TRAF3: variants seen among roughly 807,000 people sequenced by gnomAD.
TRAF3 encodes the protein TNF receptor-associated factor 3.
TRAF3 carries 13 observed loss-of-function variants against 62.3 expected under a neutral mutation model. The ratio of observed to expected loss-of-function variants is 0.21; its 90% CI spans 0.14 to 0.33. TRAF3 has a LOEUF of 0.33. TRAF3 is among the 10% of genes least tolerant of loss of function. The pLI is 1.00. For synonymous variants in TRAF3, 269 were observed against 283.4 expected (o/e 0.95, Z 0.51); for missense variants, 440 against 741.8 (o/e 0.59, Z 4.73).
At chr14:102,807,861 G>A (rs575788797) in intron 1 of TRAF3, among the ~76,000 whole-genome samples, 10 of 152,282 alleles carry the variant, frequency 6.6e-5, no homozygotes, top group African/African-American at 2.4e-4. Context: ...GTAGAGCATG[G>A]TGAGTTAGTT....
intron 9 of TRAF3, among the ~76,000 whole-genome samples, chr14:102,896,918 A>G (rs1890035295): frequency 6.6e-6 from 1 of 152,122 alleles, no homozygotes; most frequent in Non-Finnish European, 1.5e-5. Flanking sequence ...ATTTTTTTAA[A>G]GCCTAACCAG....
At chr14:102,839,485 G>T (rs1471872437) in intron 2 of TRAF3, among the ~76,000 whole-genome samples, 1 of 152,166 alleles carries the variant, frequency 6.6e-6, no homozygotes, top group Non-Finnish European at 1.5e-5. Flanking sequence ...CTCCCAAAGT[G>T]CTGGGATTAC....
In TRAF3 at chr14:102,826,337, A is replaced by G. The variant is rs1900310916; in HGVS notation, c.-156-3997A>G. ...GCTGACATGTGGTGAGTCCTCCAGG[A>G]ATGTGGCAGCAGAAGGAACACGTTG... On this transcript the variant is annotated intron_variant, in intron 1 of 11. Transcript: ENST00000392745. The surrounding 1 kb of genome is among the most constrained non-coding windows in gnomAD (Gnocchi z 4.6). Among the ~76,000 whole-genome samples the G allele has an allele frequency of 1.3e-5, 2 of 152,060 alleles. No homozygotes were observed. Among genetic ancestry groups the G allele is most frequent in the South Asian group, 4.2e-4 (2 of 4,818 alleles).
chr14:102,822,144 T>TA, intron 1 of TRAF3, among the ~76,000 whole-genome samples: 1 of 152,286 alleles, frequency 6.6e-6, no homozygotes, highest in South Asian at 2.1e-4. Context: ...TCTTCGGGAT[T>TA]AAAAAAACCT....
At chr14:102,801,945 G>A (rs1898451490) in intron 1 of TRAF3, among the ~76,000 whole-genome samples, 2 of 149,526 alleles carry the variant, frequency 1.3e-5, no homozygotes. Context: ...GAACCCGGGA[G>A]GCGGAGCTTG....
chr14:102,873,632 C>A (rs1343366869), intron 4 of TRAF3, among the ~76,000 whole-genome samples: 1 of 152,170 alleles, frequency 6.6e-6, no homozygotes, highest in East Asian at 1.9e-4. Flanking sequence ...GATCCTCACC[C>A]GTCAGCAGGT....
Position 102,854,760 on chromosome 14 carries a change from C to G in TRAF3, c.-17-15425C>G, listed in dbSNP as rs913134516. On this transcript the variant is annotated intron_variant, in intron 2 of 11. Transcript: ENST00000392745. Reference sequence around the variant, plus strand: ...AAGTGATCTGCCCACCTCAGCCTTTCAAAGTGCTGGGATTATAGGTGTCAG... The same window carrying G: ...AAGTGATCTGCCCACCTCAGCCTTTGAAAGTGCTGGGATTATAGGTGTCAG... Among the ~76,000 whole-genome samples, 70 of 148,538 alleles carry G rather than the reference C, an allele frequency of 4.7e-4. 1 individual carries two copies. Among genetic ancestry groups the G allele is most frequent in the African/African-American group, 1.7e-3 (67 of 40,426 alleles).
intron 10 of TRAF3, among the ~76,000 whole-genome samples, chr14:102,899,522 A>G (rs901626750): frequency 6.6e-6 from 1 of 152,096 alleles, no homozygotes; most frequent in Non-Finnish European, 1.5e-5. Context: ...CCCTGCGCTA[A>G]AGTGGACCCG....
At chr14:102,867,314 A>G (rs1247423820) in intron 2 of TRAF3, among the ~76,000 whole-genome samples, 1 of 152,216 alleles carries the variant, frequency 6.6e-6, no homozygotes, top group Non-Finnish European at 1.5e-5. Context: ...ACACTTAAAA[A>G]ATCTAAAAAG....
chr14:102,787,416 C>G (rs1897561595), intron 1 of TRAF3, among the ~76,000 whole-genome samples: 1 of 151,932 alleles, frequency 6.6e-6, no homozygotes, highest in Non-Finnish European at 1.5e-5. Flanking sequence ...GTGGCTCACG[C>G]CTGTAATCCC....
intron 6 of TRAF3, among the ~76,000 whole-genome samples, chr14:102,884,675 G>T (rs907107528): frequency 6.6e-6 from 1 of 152,048 alleles, no homozygotes; most frequent in Non-Finnish European, 1.5e-5. Flanking sequence ...GCTGGGCACG[G>T]TGATGTGTTG....
chr14:102,848,296 G>A (rs984359329), intron 2 of TRAF3, among the ~76,000 whole-genome samples: 4 of 152,102 alleles, frequency 2.6e-5, no homozygotes, highest in Non-Finnish European at 5.9e-5. Context: ...GGGGGTGGTG[G>A]TGTGTGCCTG....
rs1047602294 is a variant in TRAF3 at position 102,791,589 on chromosome 14, CTGTGGGATTTCTTTATACAGAATCA to C, written c.-157+13918_-157+13942del. On this transcript the variant is annotated intron_variant, in intron 1 of 11. Coordinates refer to ENST00000392745, the MANE Select transcript of TRAF3 (RefSeq NM_145725.3). ...ACCTCTAGTAGTTATTTTGTGGGTTCTGTGGGATTTCTTTATACAGAATCATGTCACCTGCATATATAATTTACCT... is the reference window on the plus strand; with the variant it reads ...ACCTCTAGTAGTTATTTTGTGGGTTCTGTCACCTGCATATATAATTTACCT... Among the ~76,000 whole-genome samples, 9 of 152,096 alleles carry C rather than the reference CTGTGGGATTTCTTTATACAGAATCA, an allele frequency of 5.9e-5. 1 individual carries two copies. The highest frequency in any genetic ancestry group is 2.9e-5 in the Non-Finnish European group (2 of 68,014).
chr14:102,819,816 C>T (rs1899778640), intron 1 of TRAF3, among the ~76,000 whole-genome samples: 3 of 152,246 alleles, frequency 2.0e-5, no homozygotes, highest in Non-Finnish European at 2.9e-5. Flanking sequence ...TGAATATTCA[C>T]ACTAAGTGGG....
At chr14:102,888,619 C>T (rs1170961653) in intron 7 of TRAF3, among the ~76,000 whole-genome samples, 1 of 152,180 alleles carries the variant, frequency 6.6e-6, no homozygotes, top group African/African-American at 2.4e-5. Flanking sequence ...CCGGCTGCTG[C>T]ACCCACACAC....
chr14:102,836,709 TGAA>T (rs1886028786), intron 2 of TRAF3, among the ~76,000 whole-genome samples: 3 of 152,220 alleles, frequency 2.0e-5, no homozygotes, highest in African/African-American at 7.2e-5. Flanking sequence ...TTATATAGCA[TGAA>T]GAATATTACA....
intron 10 of TRAF3, among the ~76,000 whole-genome samples, chr14:102,901,066 G>A (rs989679268): frequency 1.2e-4 from 19 of 152,196 alleles, no homozygotes; most frequent in African/African-American, 4.3e-4. Flanking sequence ...AAAATAGCCC[G>A]AGTTCCCTTG....
intron 9 of TRAF3, among the ~76,000 whole-genome samples, chr14:102,895,558 G>A (rs1287734218): frequency 2.0e-5 from 3 of 152,184 alleles, no homozygotes; most frequent in Non-Finnish European, 1.5e-5. Flanking sequence ...AGCGTACATC[G>A]TTGGAGAGGC....
At chr14:102,825,663 A>G (rs901794759) in intron 1 of TRAF3, among the ~76,000 whole-genome samples, 41 of 152,258 alleles carry the variant, frequency 2.7e-4, no homozygotes, top group Admixed American at 2.5e-3. Context: ...TCAATGGGGG[A>G]AGAGTCATCC....
Sources: allele counts gnomAD v4.1 joint callset (sites outside exome capture counted in the v4.1 genomes callset), GRCh38; gene constraint gnomAD v4.1.1; non-coding constraint Gnocchi (gnomAD v3.1); transcripts MANE v1.5; gene names NCBI Gene and HGNC (gene_info 2026-07-23, HGNC 2026-07-21).